The following AAK1 variants were observed in gnomAD, a reference collection of about 807,000 sequenced individuals.
AAK1 encodes the protein AP2 associated kinase 1.
In AAK1, 37 loss-of-function variants were observed where a neutral mutation model predicts 116.0. The ratio of observed to expected loss-of-function variants is 0.32; its 90% CI spans 0.25 to 0.42. AAK1 has a LOEUF of 0.42. AAK1 is among the 10% of genes least tolerant of loss of function. The pLI is 1.00. For synonymous variants in AAK1, 458 were observed against 439.9 expected (o/e 1.04, Z -0.51); for missense variants, 919 against 1,170.6 (o/e 0.79, Z 3.14).
chr2:69,610,703 T>TA (rs1674038934), intron 2 of AAK1, among the ~76,000 whole-genome samples: 1 of 152,206 alleles, frequency 6.6e-6, no homozygotes, highest in Non-Finnish European at 1.5e-5. Context: ...TTAATAGACA[T>TA]TTCTCCAAAG....
At chr2:69,486,363 A>C (rs919644445) in intron 17 of AAK1, among the ~76,000 whole-genome samples, 2 of 152,158 alleles carry the variant, frequency 1.3e-5, no homozygotes, top group African/African-American at 4.8e-5. Flanking sequence ...AATGGTGTAA[A>C]CTGCCTGATT....
chr2:69,563,148 GGAA>G (rs1402640567), intron 2 of AAK1, among the ~76,000 whole-genome samples: 2 of 152,162 alleles, frequency 1.3e-5, no homozygotes, highest in African/African-American at 2.4e-5. Context: ...ATGGGGCTTT[GGAA>G]GAAGAAGCAA....
At position 69,467,172 on chromosome 2, in the gene AAK1, A is replaced by T. The variant is rs542678751; in HGVS notation, c.*8697T>A. ...ATACAGCATCAAAATCAGACCAAAT[A>T]AATCACCTTCAGCTGGAGTTGCCCC... On this transcript the variant is annotated 3_prime_UTR_variant, in exon 22 of 22. Coordinates refer to ENST00000409085, the MANE Select transcript of AAK1 (RefSeq NM_014911.5). 3 of 985,426 alleles carry T rather than the reference A, an allele frequency of 3.0e-6. No homozygotes were observed. The highest frequency in any genetic ancestry group is 3.6e-6 in the Non-Finnish European group (3 of 829,922). The allele number at this position is 985,426 out of a possible 1,614,324, so 61.0% of individuals were successfully genotyped here. A position where few individuals can be genotyped will look rare whatever the true frequency, so the allele number is the denominator to read the frequency against.
At position 69,580,393 on chromosome 2, in the gene AAK1, G is replaced by A. The variant is rs536648641; in HGVS notation, c.164-23415C>T. Among the ~76,000 whole-genome samples the A allele has an allele frequency of 2.6e-5, 4 of 152,302 alleles. No homozygotes were observed. The East Asian group carries it at 7.7e-4, about 29-fold the overall frequency. ...ACTCAGATTCTTTCCTGGAAAAGTGGAATTTGGTATAAGTATGTGCAGACA... is the reference window on the plus strand; with the variant it reads ...ACTCAGATTCTTTCCTGGAAAAGTGAAATTTGGTATAAGTATGTGCAGACA... On this transcript the variant is annotated intron_variant, in intron 2 of 21. Transcript: ENST00000409085.
chr2:69,575,083 C>A (rs915397235), intron 2 of AAK1, among the ~76,000 whole-genome samples: 1 of 149,498 alleles, frequency 6.7e-6, no homozygotes, highest in Non-Finnish European at 1.5e-5. Context: ...CAAACAACTT[C>A]TAAGACTGAT....
intron 11 of AAK1, among the ~76,000 whole-genome samples, chr2:69,520,490 C>A (rs555098158): frequency 6.6e-6 from 1 of 151,932 alleles, no homozygotes; most frequent in South Asian, 2.1e-4. Flanking sequence ...TCCCCAGTAG[C>A]TGGGACTACA....
intron 21 of AAK1, 95 bp downstream of exon 21, chr2:69,476,785 G>A: frequency 1.3e-6 from 1 of 794,200 alleles, no homozygotes; most frequent in Non-Finnish European, 2.1e-6. Context: ...TTCATTAAAT[G>A]TTGATGCTTT....
Position 69,505,129 on chromosome 2 carries a change from A to G in AAK1, c.2269+440T>C, listed in dbSNP as rs568372107. 1.1e-3 allele frequency among the ~76,000 whole-genome samples: 106 copies of G among 97,452 alleles called. 1 individual carries two copies. The East Asian group carries it at 0.029, about 27-fold the overall frequency. The allele number at this position is 97,452 out of a possible 152,430, so 63.9% of individuals were successfully genotyped here. A position where few individuals can be genotyped will look rare whatever the true frequency, so the allele number is the denominator to read the frequency against. The stretch of plus-strand genomic sequence containing the variant: ...CAACAGCGTGCGTGCGTGTGCGCAC[A>G]CACACCCACACACACACACACACAC... On this transcript the variant is annotated intron_variant, in intron 16 of 21. Transcript: ENST00000409085.
At chr2:69,633,172 T>C (rs1275650255) in intron 2 of AAK1, among the ~76,000 whole-genome samples, 6 of 144,388 alleles carry the variant, frequency 4.2e-5, no homozygotes, top group African/African-American at 1.6e-4. Context: ...TGAGCCGAGA[T>C]CGCGCCACTG....
At chr2:69,495,606 C>T (rs1297238715) in intron 17 of AAK1, among the ~76,000 whole-genome samples, 1 of 152,130 alleles carries the variant, frequency 6.6e-6, no homozygotes, top group Non-Finnish European at 1.5e-5. Context: ...ACACTATCAC[C>T]ACTATTCATA....
chr2:69,469,210 C>A lies in AAK1; in HGVS notation c.*6659G>T. 1.0e-6 allele frequency: 1 copy of A among 985,416 alleles called. No individual in the cohort carries two copies. Among genetic ancestry groups the A allele is most frequent in the Non-Finnish European group, 1.2e-6 (1 of 829,958 alleles). 61.0% of individuals were successfully genotyped at this position (985,416 alleles called of 1,614,324 possible). The stretch of plus-strand genomic sequence containing the variant: ...GAGAGCAACCACACTTTGCAACTCT[C>A]CAGGCCTGGCACTCTGAAGGGCAAA... On this transcript the variant is annotated 3_prime_UTR_variant, in exon 22 of 22. Transcript: ENST00000409085.
intron 3 of AAK1, among the ~76,000 whole-genome samples, chr2:69,548,369 G>A (rs1671014028): frequency 6.6e-6 from 1 of 152,084 alleles, no homozygotes; most frequent in Admixed American, 6.5e-5. Context: ...GAGCAACCAG[G>A]CAGCCCATAT....
intron 2 of AAK1, among the ~76,000 whole-genome samples, chr2:69,595,438 T>C (rs10201187): frequency 6.6e-6 from 1 of 152,220 alleles, no homozygotes; most frequent in African/African-American, 2.4e-5. Flanking sequence ...TTTGAAGTGC[T>C]ACATGAATGA....
intron 17 of AAK1, among the ~76,000 whole-genome samples, chr2:69,494,693 A>G (rs1454429914): frequency 6.6e-6 from 1 of 152,172 alleles, no homozygotes. Context: ...GCATACCTGA[A>G]AAGTGCAAAG....
At position 69,472,898 on chromosome 2, in the gene AAK1, T is replaced by C. The variant is rs920092836; in HGVS notation, c.*2971A>G. The C allele has an allele frequency of 3.0e-6, 3 of 985,618 alleles. No homozygotes were observed. Among genetic ancestry groups the C allele is most frequent in the South Asian group, 4.7e-5 (1 of 21,284 alleles). 61.1% of individuals were successfully genotyped at this position (985,618 alleles called of 1,614,324 possible). A position where few individuals can be genotyped will look rare whatever the true frequency, so the allele number is the denominator to read the frequency against. On this transcript the variant is annotated 3_prime_UTR_variant, in exon 22 of 22. Transcript: ENST00000409085. ...TCTAAGATTATGATTTAGGCTTCTA[T>C]TCAGATAATCAAGAAAGAGCAAGTT...
chr2:69,612,390 A>G (rs1674125834), intron 2 of AAK1, among the ~76,000 whole-genome samples: 1 of 152,236 alleles, frequency 6.6e-6, no homozygotes, highest in South Asian at 2.1e-4. Flanking sequence ...CTTTCTCGGA[A>G]GTAAAATGAG....
intron 2 of AAK1, among the ~76,000 whole-genome samples, chr2:69,626,653 C>T (rs116168881): frequency 6.7e-6 from 1 of 149,326 alleles, no homozygotes; most frequent in Admixed American, 6.7e-5. Flanking sequence ...GTGCATTCCA[C>T]CATGCCTGGC....
Position 69,556,878 on chromosome 2 carries a change from C to T in AAK1, c.264G>A (p.Lys88=), listed in dbSNP as rs1474042233. The T allele has an allele frequency of 1.2e-6, 2 of 1,613,682 alleles. No homozygotes were observed. The highest frequency in any genetic ancestry group is 1.7e-6 in the Non-Finnish European group (2 of 1,179,614). Reference sequence around the variant, plus strand: ...GCCTTACCATTATCTGGATTTCTCTCTTGCACACCTGGAGATCATGCTCAT... The same window carrying T: ...GCCTTACCATTATCTGGATTTCTCTTTTGCACACCTGGAGATCATGCTCAT... ...VNNEHDLQVC[K]REIQIMRDLS... The change falls in exon 3 of 22, where the codon AAG becomes AAA. Residue 88 remains lysine (K), a synonymous_variant. Transcript: ENST00000409085.
At chr2:69,507,220 G>A (rs1253227152) in intron 15 of AAK1, among the ~76,000 whole-genome samples, 4 of 152,182 alleles carry the variant, frequency 2.6e-5, no homozygotes, top group Non-Finnish European at 4.4e-5. Flanking sequence ...AGGATTTCCT[G>A]AAGATGAGGA....
Sources: allele counts gnomAD v4.1 joint callset (sites outside exome capture counted in the v4.1 genomes callset), GRCh38; gene constraint gnomAD v4.1.1; transcripts MANE v1.5; gene names NCBI Gene and HGNC (gene_info 2026-07-23, HGNC 2026-07-21).